The following SYNPR variants were observed in gnomAD, a reference collection of about 807,000 sequenced individuals.
The protein encoded by SYNPR is synaptoporin.
In SYNPR, 23 loss-of-function variants were observed where a neutral mutation model predicts 32.9. That is an observed-to-expected ratio of 0.70 (90% CI 0.50 to 0.99). The LOEUF (loss-of-function observed/expected upper bound fraction) is 0.99. SYNPR is among the 50% of genes least tolerant of loss of function. SYNPR has a pLI of 0.00. For synonymous variants in SYNPR, 146 were observed against 135.9 expected (o/e 1.07, Z -0.52); for missense variants, 318 against 349.3 (o/e 0.91, Z 0.71).
At chr3:63,403,251 G>A (rs1013790704) in intron 2 of SYNPR, among the ~76,000 whole-genome samples, 11 of 152,224 alleles carry the variant, frequency 7.2e-5, no homozygotes, top group East Asian at 3.9e-4. Flanking sequence ...TGGACTATGA[G>A]TTTGCCTAAA....
At chr3:63,561,331 A>C (rs1325656149) in intron 4 of SYNPR, 2 of 152,186 alleles carry the variant, frequency 1.3e-5, no homozygotes, top group African/African-American at 4.8e-5. Flanking sequence ...TATTATTCAC[A>C]TTTATAGATG....
chr3:63,226,817 CA>C (rs1247851200), upstream of SYNPR, among the ~76,000 whole-genome samples: 2 of 151,680 alleles, frequency 1.3e-5, no homozygotes, highest in Non-Finnish European at 2.9e-5. Flanking sequence ...CTATAGTTAA[CA>C]AAAAAATACT....
chr3:63,278,308 A>G lies in SYNPR; in HGVS notation c.-226A>G. The G allele has an allele frequency of 1.7e-6, 1 of 573,928 alleles. No homozygotes were observed. The highest frequency in any genetic ancestry group is 3.1e-6 in the Non-Finnish European group (1 of 321,050). The allele number at this position is 573,928 out of a possible 1,614,324, so 35.6% of individuals were successfully genotyped here. A position where few individuals can be genotyped will look rare whatever the true frequency, so the allele number is the denominator to read the frequency against. ...ACCCTGCCCCAGCTCTTCCCTGCCC[A>G]CCCCTCGCTGACTCGCTTCGCTTCC... On this transcript the variant is annotated 5_prime_UTR_variant, in exon 1 of 6. Coordinates refer to ENST00000478300, the MANE Select transcript of SYNPR (RefSeq NM_001130003.2).
In SYNPR at chr3:63,291,547, T is replaced by C. The variant is rs149938341; in HGVS notation, c.84+12805T>C. 2.2e-3 allele frequency among the ~76,000 whole-genome samples: 337 copies of C among 152,284 alleles called. 1 individual carries two copies. The highest frequency in any genetic ancestry group is 7.5e-3 in the African/African-American group (311 of 41,568). On this transcript the variant is annotated intron_variant, in intron 2 of 5. Coordinates refer to ENST00000478300, the MANE Select transcript of SYNPR (RefSeq NM_001130003.2). ...GGATAGGAGAGAGGTATGTTTTCTGTGTCATAATCATCAACTAGAGTTTAG... is the reference window on the plus strand; with the variant it reads ...GGATAGGAGAGAGGTATGTTTTCTGCGTCATAATCATCAACTAGAGTTTAG...
chr3:63,318,138 G>A (rs1353660957), intron 2 of SYNPR, among the ~76,000 whole-genome samples: 18 of 152,132 alleles, frequency 1.2e-4, no homozygotes, highest in Non-Finnish European at 2.5e-4. Context: ...TAATCTGATA[G>A]GTTTTCCTTT....
intron 2 of SYNPR, among the ~76,000 whole-genome samples, chr3:63,477,867 T>C (rs915892094): frequency 2.6e-5 from 4 of 152,224 alleles, no homozygotes; most frequent in African/African-American, 7.2e-5. Flanking sequence ...TTCCAGACAA[T>C]AGCGGCTTTG....
chr3:63,301,572 T>A (rs1435376580), intron 2 of SYNPR, among the ~76,000 whole-genome samples: 3 of 152,118 alleles, frequency 2.0e-5, no homozygotes. Context: ...GACTGAAATT[T>A]ATGAACAATT....
intron 3 of SYNPR, among the ~76,000 whole-genome samples, chr3:63,517,644 C>T (rs1004890142): frequency 5.9e-5 from 9 of 152,186 alleles, no homozygotes; most frequent in Admixed American, 3.9e-4. Context: ...AAAAGCTTTG[C>T]GTTCTCCAAA....
the SYNPR span, among the ~76,000 whole-genome samples, chr3:63,219,189 C>A: frequency 6.6e-6 from 1 of 152,120 alleles, no homozygotes; most frequent in Admixed American, 6.6e-5. Flanking sequence ...TAGCCCAAAC[C>A]TGAGTAGTGG....
chr3:63,442,164 AGTGTGTGTGT>A (rs34163380), intron 2 of SYNPR, among the ~76,000 whole-genome samples: 1 of 148,328 alleles, frequency 6.7e-6, no homozygotes, highest in Non-Finnish European at 1.5e-5. Flanking sequence ...TGGTAGTGAT[AGTGTGTGTGT>A]GTGTGTGTGT....
chr3:63,503,871 T>G, intron 3 of SYNPR, among the ~76,000 whole-genome samples: 1 of 151,972 alleles, frequency 6.6e-6, no homozygotes, highest in Non-Finnish European at 1.5e-5. Context: ...AATGAATTAT[T>G]TAGATATCAA....
chr3:63,328,082 T>A (rs2087186844), intron 2 of SYNPR, among the ~76,000 whole-genome samples: 3 of 152,152 alleles, frequency 2.0e-5, no homozygotes, highest in Non-Finnish European at 2.9e-5. Flanking sequence ...CATTTTAGTG[T>A]CCCCATGATT....
At chr3:63,332,375 A>G (rs2087240164) in intron 2 of SYNPR, among the ~76,000 whole-genome samples, 1 of 152,148 alleles carries the variant, frequency 6.6e-6, no homozygotes, top group Non-Finnish European at 1.5e-5. Flanking sequence ...ACTTGTTTAT[A>G]CTTCGGAAGT....
intron 2 of SYNPR, among the ~76,000 whole-genome samples, chr3:63,362,492 GA>G (rs1028687914): frequency 8.6e-5 from 13 of 150,388 alleles, no homozygotes; most frequent in African/African-American, 3.2e-4. Flanking sequence ...GGTTTATTAA[GA>G]AAAAAAAATG....
At chr3:63,557,698 T>C (rs532304826) in intron 4 of SYNPR, among the ~76,000 whole-genome samples, 1 of 152,314 alleles carries the variant, frequency 6.6e-6, no homozygotes, top group South Asian at 2.1e-4. Flanking sequence ...ATGTGGGACA[T>C]ATAACTCAAA....
chr3:63,497,469 A>G lies in SYNPR; in HGVS notation c.209+16513A>G, dbSNP rs371468058. Among the ~76,000 whole-genome samples, 21 of 152,074 alleles carry G rather than the reference A, an allele frequency of 1.4e-4. 1 individual carries two copies. Among genetic ancestry groups the G allele is most frequent in the African/African-American group, 5.1e-4 (21 of 41,524 alleles). ...AAATGAGAAGGGACTTGTTCCTTCA[A>G]TATTCTTCTAAGTCATCACAATTGT... is the stretch of plus-strand genomic sequence containing the variant. On this transcript the variant is annotated intron_variant, in intron 3 of 5. Coordinates refer to ENST00000478300, the MANE Select transcript of SYNPR (RefSeq NM_001130003.2).
intron 1 of SYNPR, among the ~76,000 whole-genome samples, chr3:63,251,150 TAAAG>T (rs1226956159): frequency 2.0e-5 from 3 of 151,750 alleles, no homozygotes; most frequent in African/African-American, 4.8e-5. Flanking sequence ...AGAAAAAAAT[TAAAG>T]AAAGCAAAAA....
chr3:63,451,699 G>A (rs915584113), intron 2 of SYNPR, among the ~76,000 whole-genome samples: 4 of 152,072 alleles, frequency 2.6e-5, no homozygotes, highest in Non-Finnish European at 2.9e-5. Flanking sequence ...CTCCTCAGGG[G>A]AATTGACAAG....
At chr3:63,517,598 C>A (rs551950215) in intron 3 of SYNPR, among the ~76,000 whole-genome samples, 109 of 152,264 alleles carry the variant, frequency 7.2e-4, no homozygotes, top group African/African-American at 2.4e-3. Context: ...CTTTTAGAAT[C>A]ATATTCTTGC....
Sources: allele counts gnomAD v4.1 joint callset (sites outside exome capture counted in the v4.1 genomes callset), GRCh38; gene constraint gnomAD v4.1.1; transcripts MANE v1.5; gene names NCBI Gene and HGNC (gene_info 2026-07-23, HGNC 2026-07-21).